The following NAA25 variants were observed in gnomAD, a reference collection of about 807,000 sequenced individuals.
NAA25 encodes N-terminal acetyltransferase B complex subunit NAA25.
In NAA25, 30 loss-of-function variants were observed where a neutral mutation model predicts 132.5. The ratio of observed to expected loss-of-function variants is 0.23; its 90% CI spans 0.17 to 0.31. NAA25 has a LOEUF of 0.31. Among genes scored for constraint, NAA25 ranks in the 10% least tolerant of loss-of-function variants. The pLI is 1.00. For missense variants in NAA25, 771 were observed against 1,150.4 expected (o/e 0.67, Z 4.77); for synonymous variants, 359 against 401.9 (o/e 0.89, Z 1.28).
At chr12:112,064,612 AGGTTTACTGT>A (rs1354983701) in intron 11 of NAA25, among the ~76,000 whole-genome samples, 1 of 152,154 alleles carries the variant, frequency 6.6e-6, no homozygotes, top group Non-Finnish European at 1.5e-5. Flanking sequence ...TATATTAGTT[AGGTTTACTGT>A]GGCCTTCTTT....
chr12:112,107,113 C>A (rs1463211634), intron 1 of NAA25, among the ~76,000 whole-genome samples: 1 of 151,362 alleles, frequency 6.6e-6, no homozygotes, highest in Non-Finnish European at 1.5e-5. Flanking sequence ...CATGGAAGTT[C>A]GCTGGGCCTG....
chr12:112,039,858 C>T (rs543162152), intron 21 of NAA25: 1 of 154,778 alleles, frequency 6.5e-6, no homozygotes, highest in South Asian at 2.0e-4. Flanking sequence ...TCCTATACTA[C>T]AGTGTGTGCA....
chr12:112,040,692 G>A (rs2078290019), intron 20 of NAA25, 114 bp from the exon 21 acceptor site: 1 of 629,198 alleles, frequency 1.6e-6, no homozygotes, highest in African/African-American at 1.9e-5. Flanking sequence ...AAAGCTATTT[G>A]TTTTTCATTT....
At chr12:112,052,030 T>G (rs2078474391) in intron 15 of NAA25, among the ~76,000 whole-genome samples, 1 of 152,248 alleles carries the variant, frequency 6.6e-6, no homozygotes, top group Non-Finnish European at 1.5e-5. Flanking sequence ...TCAAAGCTAT[T>G]TGAGAAACAA....
intron 13 of NAA25, among the ~76,000 whole-genome samples, chr12:112,057,793 A>C (rs1295458720): frequency 6.6e-6 from 1 of 152,228 alleles, no homozygotes; most frequent in Non-Finnish European, 1.5e-5. Context: ...GATCCTGGCC[A>C]ACATGGTGAA....
intron 3 of NAA25, among the ~76,000 whole-genome samples, chr12:112,089,790 T>C (rs1274382062): frequency 6.6e-6 from 1 of 151,856 alleles, no homozygotes; most frequent in East Asian, 2.0e-4. Flanking sequence ...GGTAAGGAGT[T>C]TGAGACCAGC....
chr12:112,093,240 T>C (rs1268701352), intron 1 of NAA25, 104 bp from the exon 2 acceptor site: 2 of 711,388 alleles, frequency 2.8e-6, no homozygotes, highest in Non-Finnish European at 4.8e-6. Flanking sequence ...CTTAATTTGC[T>C]ATATAAAACA....
rs1394905341 is a variant in NAA25, at chr12:112,040,501, T to G, written c.2518A>C (p.Asn840His). 1.1e-5 allele frequency: 18 copies of G among 1,595,972 alleles called. No individual in the cohort carries two copies. The highest frequency in any genetic ancestry group is 5.1e-5 in the Admixed American group (3 of 59,062). ...CTTACCTCAACAAAGAAAACTAGAT[T>G]TTCTAAAAGAGTAGGATGTGTTTTC... is the stretch of plus-strand genomic sequence containing the variant. ...NLKTHPTLLE[N>H]LVFFVETISV... Residue 840 changes from asparagine to histidine, a missense_variant, in exon 21 of 24, where the codon AAT becomes CAT. Transcript: ENST00000261745.
intron 4 of NAA25, among the ~76,000 whole-genome samples, chr12:112,081,534 T>C (rs1270164438): frequency 6.6e-6 from 1 of 152,178 alleles, no homozygotes; most frequent in Non-Finnish European, 1.5e-5. Context: ...TAAACTTCAA[T>C]ATCAGAAAAG....
chr12:112,107,542 T>C (rs1205169980), intron 1 of NAA25, among the ~76,000 whole-genome samples: 2 of 151,846 alleles, frequency 1.3e-5, no homozygotes, highest in East Asian at 3.9e-4. Flanking sequence ...TATAGGATTG[T>C]TGCTAAAATC....
chr12:112,090,853 T>A lies in NAA25; in HGVS notation c.156A>T (p.Ala52=). The A allele has an allele frequency of 6.2e-7, 1 of 1,604,884 alleles. No individual in the cohort carries two copies. The highest frequency in any genetic ancestry group is 1.7e-4 in the Middle Eastern group (1 of 6,034). ...GCTTTCCAGTTCTCTGTAAACCAATTGCCTTTAAAACCTGATAGCAACAAA... is the reference window on the plus strand; with the variant it reads ...GCTTTCCAGTTCTCTGTAAACCAATAGCCTTTAAAACCTGATAGCAACAAA... The part of the protein sequence containing the change: ...KDLHCAKVLK[A]IGLQRTGKQE... The change falls in exon 3 of 24, where the codon GCA becomes GCT. Residue 52 remains alanine (A), a synonymous_variant. Coordinates refer to ENST00000261745, the MANE Select transcript of NAA25 (RefSeq NM_024953.4).
chr12:112,073,558 T>G lies in NAA25; in HGVS notation c.866+1117A>C, dbSNP rs2078847692. 2.0e-5 allele frequency among the ~76,000 whole-genome samples: 3 copies of G among 152,240 alleles called. No homozygotes were observed. In the South Asian group the frequency reaches 6.2e-4, roughly 32 times the overall value. On this transcript the variant is annotated intron_variant, in intron 9 of 23. Coordinates refer to ENST00000261745, the MANE Select transcript of NAA25 (RefSeq NM_024953.4). Reference sequence around the variant, plus strand: ...TTCACGCCATTCTCCCTCCTCAGCCTCCAGAGTAGCTGGGACTACAGGCGC... The same window carrying G: ...TTCACGCCATTCTCCCTCCTCAGCCGCCAGAGTAGCTGGGACTACAGGCGC...
intron 11 of NAA25, among the ~76,000 whole-genome samples, chr12:112,062,998 T>C (rs2078660443): frequency 1.3e-5 from 2 of 151,900 alleles, no homozygotes; most frequent in Admixed American, 1.3e-4. Flanking sequence ...AGTTTGAGCC[T>C]GCAGTGAGCC....
intron 22 of NAA25, among the ~76,000 whole-genome samples, chr12:112,038,193 T>A (rs747029099): frequency 6.6e-6 from 1 of 152,098 alleles, no homozygotes; most frequent in Non-Finnish European, 1.5e-5. Context: ...TTTGTATTTT[T>A]AGTAGAGATG....
At position 112,049,512 on chromosome 12, in the gene NAA25, T is replaced by C; in HGVS notation, c.1729-1069A>G. 1 of 985,916 alleles carries C rather than the reference T, an allele frequency of 1.0e-6. No homozygotes were observed. The highest frequency in any genetic ancestry group is 1.2e-6 in the Non-Finnish European group (1 of 829,954). 61.1% of individuals were successfully genotyped at this position (985,916 alleles called of 1,614,324 possible). A position where few individuals can be genotyped will look rare whatever the true frequency, so the allele number is the denominator to read the frequency against. On this transcript the variant is annotated intron_variant, in intron 15 of 23. Coordinates refer to ENST00000261745, the MANE Select transcript of NAA25 (RefSeq NM_024953.4). The surrounding 1 kb of genome is among the most constrained non-coding windows in gnomAD (Gnocchi z 4.7). The stretch of plus-strand genomic sequence containing the variant: ...TGATATACAGCCTTGCAGGGTTCAT[T>C]TCAGGCCGCGGGATTGCGCCACGGG...
chr12:112,029,481 T>C lies in NAA25; in HGVS notation c.*50A>G. On this transcript the variant is annotated 3_prime_UTR_variant, in exon 24 of 24. Coordinates refer to ENST00000261745, the MANE Select transcript of NAA25 (RefSeq NM_024953.4). ...CAGATGTTGCTTTTGCCTGGGAAGA[T>C]GGTGTCATATTCTGTTGCAGAGTCA... 1 of 1,609,212 alleles carries C rather than the reference T, an allele frequency of 6.2e-7. No homozygotes were observed. Among genetic ancestry groups the C allele is most frequent in the South Asian group, 1.1e-5 (1 of 90,700 alleles).
intron 4 of NAA25, among the ~76,000 whole-genome samples, chr12:112,086,095 C>CACACACAT (rs1403059550): frequency 3.1e-5 from 4 of 127,310 alleles, no homozygotes; most frequent in Admixed American, 1.7e-4. Context: ...CACACACACA[C>CACACACAT]ACACACACCC....
rs927438861 is a variant in NAA25 at position 112,028,626 on chromosome 12, A to G, written c.*905T>C. On this transcript the variant is annotated 3_prime_UTR_variant, in exon 24 of 24. Coordinates refer to ENST00000261745, the MANE Select transcript of NAA25 (RefSeq NM_024953.4). ...AAATCTTAATTTTCAAGTCATATAT[A>G]TATGTGTATATATATATATGTATAT... is the stretch of plus-strand genomic sequence containing the variant. 4 of 152,046 alleles carry G rather than the reference A, an allele frequency of 2.6e-5. No homozygotes were observed. The highest frequency in any genetic ancestry group is 9.7e-5 in the African/African-American group (4 of 41,392). 9.4% of individuals were successfully genotyped at this position (152,046 alleles called of 1,614,324 possible). A position where few individuals can be genotyped will look rare whatever the true frequency, so the allele number is the denominator to read the frequency against.
Position 112,101,244 on chromosome 12 carries a change from T to G in NAA25, c.58+7472A>C, listed in dbSNP as rs559823946. ...AAACTGTCCTATTCCTTCAAATCCC[T>G]TAACATAACTGTAATGGTGATGTGT... On this transcript the variant is annotated intron_variant, in intron 1 of 23. Coordinates refer to ENST00000261745, the MANE Select transcript of NAA25 (RefSeq NM_024953.4). Among the ~76,000 whole-genome samples, 4 of 152,306 alleles carry G rather than the reference T, an allele frequency of 2.6e-5. No homozygotes were observed. In the East Asian group the frequency reaches 7.7e-4, roughly 29 times the overall value.
Sources: gnomAD v4.1 joint callset for allele counts (sites outside exome capture counted in the v4.1 genomes callset) on GRCh38, gnomAD v4.1.1 for gene constraint, Gnocchi (gnomAD v3.1) non-coding constraint, MANE v1.5 for transcripts, NCBI Gene and HGNC (gene_info 2026-07-23, HGNC 2026-07-21) for gene names.